Variants in LGSN observed in about 807,000 individuals in gnomAD.
LGSN encodes the protein lengsin, lens protein with glutamine synthetase domain.
LGSN carries 21 observed loss-of-function variants against 19.5 expected under a neutral mutation model. The observed-to-expected ratio is 1.07, with a 90% CI of 0.76 to 1.55. The LOEUF is 1.55. Among genes scored for constraint, LGSN ranks in the 40% most tolerant of loss-of-function variants. The pLI is 0.00. For missense variants in LGSN, 673 were observed against 608.5 expected (o/e 1.11, Z -1.12); for synonymous variants, 257 against 215.6 (o/e 1.19, Z -1.68).
At chr6:63,301,337 A>G (rs1044325610) in intron 1 of LGSN, among the ~76,000 whole-genome samples, 3 of 152,208 alleles carry the variant, frequency 2.0e-5, no homozygotes, top group African/African-American at 7.2e-5. Flanking sequence ...TGTAAAGTGT[A>G]CAAGAAAAGC....
At chr6:63,368,239 T>G in the LGSN span, among the ~76,000 whole-genome samples, 1 of 152,290 alleles carries the variant, frequency 6.6e-6, no homozygotes, top group East Asian at 1.9e-4. Context: ...CAACCAGGAA[T>G]CATGGCATTT....
chr6:63,420,292 G>A, the LGSN span, among the ~76,000 whole-genome samples: 1 of 152,038 alleles, frequency 6.6e-6, no homozygotes, highest in African/African-American at 2.4e-5. Flanking sequence ...TAAAACTACA[G>A]TAGCCTTTTG....
chr6:63,490,605 C>A, the LGSN span, among the ~76,000 whole-genome samples: 2 of 151,700 alleles, frequency 1.3e-5, no homozygotes, highest in African/African-American at 4.8e-5. Flanking sequence ...GAGACAGAGT[C>A]TCATTCTGTT....
intron 1 of LGSN, 56 bp downstream of exon 1, chr6:63,319,858 A>T (rs1769021084): frequency 1.6e-6 from 2 of 1,263,122 alleles, no homozygotes; most frequent in South Asian, 1.2e-5. Context: ...GACATTTTTT[A>T]AAAAGATTTA....
At chr6:63,290,835 C>G (rs1481770887) in intron 2 of LGSN, among the ~76,000 whole-genome samples, 1 of 152,148 alleles carries the variant, frequency 6.6e-6, no homozygotes, top group South Asian at 2.1e-4. Flanking sequence ...AGCCTTTGGG[C>G]CATAGTCTGT....
chr6:63,306,364 G>A, intron 1 of LGSN, among the ~76,000 whole-genome samples: 1 of 152,116 alleles, frequency 6.6e-6, no homozygotes, highest in South Asian at 2.1e-4. Flanking sequence ...ATTATATAGT[G>A]TGATCTGTGT....
the LGSN span, among the ~76,000 whole-genome samples, chr6:63,540,260 T>A: frequency 7.9e-6 from 1 of 126,852 alleles, no homozygotes; most frequent in Non-Finnish European, 1.8e-5. Flanking sequence ...GGAGCCCAGA[T>A]GTATATAGAA....
chr6:63,510,546 C>G, the LGSN span, among the ~76,000 whole-genome samples: 2 of 151,082 alleles, frequency 1.3e-5, no homozygotes, highest in East Asian at 3.9e-4. Context: ...TCTATTCCCC[C>G]AGAGTTAATC....
the LGSN span, among the ~76,000 whole-genome samples, chr6:63,486,707 C>T: frequency 2.6e-5 from 3 of 117,066 alleles, no homozygotes; most frequent in Non-Finnish European, 5.0e-5. Context: ...TTTTTTGAGA[C>T]GGAGTCTCAC....
the LGSN span, among the ~76,000 whole-genome samples, chr6:63,472,519 T>C: frequency 6.6e-6 from 1 of 152,150 alleles, no homozygotes; most frequent in Non-Finnish European, 1.5e-5. Flanking sequence ...AGAGAGTCAA[T>C]CTCTGGAATA....
the LGSN span, among the ~76,000 whole-genome samples, chr6:63,512,124 C>A: frequency 6.6e-5 from 10 of 152,048 alleles, no homozygotes; most frequent in East Asian, 1.9e-3. Context: ...GCTCTGTTGC[C>A]CAGGCTGGAG....
intron 2 of LGSN, among the ~76,000 whole-genome samples, chr6:63,286,601 G>C (rs1189184263): frequency 6.6e-6 from 1 of 152,150 alleles, no homozygotes; most frequent in East Asian, 1.9e-4. Flanking sequence ...GCAGACTTTT[G>C]ATTCATGCTG....
At chr6:63,358,493 C>A in the LGSN span, among the ~76,000 whole-genome samples, 2 of 152,052 alleles carry the variant, frequency 1.3e-5, no homozygotes, top group African/African-American at 4.8e-5. Flanking sequence ...TTGTTTGTAT[C>A]CTCTTTTATG....
At chr6:63,491,059 A>G in the LGSN span, among the ~76,000 whole-genome samples, 3 of 152,044 alleles carry the variant, frequency 2.0e-5, no homozygotes, top group African/African-American at 7.2e-5. Context: ...ACTGATTCCA[A>G]TGCTAAGCTC....
chr6:63,387,389 T>C, the LGSN span, among the ~76,000 whole-genome samples: 1,384 of 152,270 alleles, frequency 9.1e-3, 18 homozygotes, highest in African/African-American at 0.032. Flanking sequence ...ATTTACATAA[T>C]TTACATATTA....
the LGSN span, chr6:63,571,772 T>C: frequency 6.6e-6 from 1 of 152,066 alleles, no homozygotes; most frequent in Admixed American, 6.6e-5. Flanking sequence ...AAAAAGAATA[T>C]AGGGAGCATA....
At chr6:63,395,554 C>G in the LGSN span, 2 of 152,298 alleles carry the variant, frequency 1.3e-5, no homozygotes, top group African/African-American at 4.8e-5. Context: ...GATCCTTAAC[C>G]GTCAAAGCAC....
At chr6:63,308,504 C>A (rs1320797517) in intron 1 of LGSN, among the ~76,000 whole-genome samples, 1 of 152,112 alleles carries the variant, frequency 6.6e-6, no homozygotes, top group East Asian at 1.9e-4. Flanking sequence ...CCTAATTTGA[C>A]CTAATAAATT....
chr6:63,370,221 A>G, the LGSN span, among the ~76,000 whole-genome samples: 1 of 152,236 alleles, frequency 6.6e-6, no homozygotes, highest in African/African-American at 2.4e-5. Context: ...GCCCTGAGGT[A>G]GATCCCAGAA....
Sources: allele counts gnomAD v4.1 joint callset (sites outside exome capture counted in the v4.1 genomes callset), GRCh38; gene constraint gnomAD v4.1.1; transcripts MANE v1.5; gene names NCBI Gene and HGNC (gene_info 2026-07-23, HGNC 2026-07-21).